Variants in RIMBP2 observed in about 807,000 individuals in gnomAD.
RIMBP2 encodes the protein RIMS binding protein 2.
A neutral mutation model predicts 118.6 loss-of-function variants in RIMBP2; 48 were observed. The ratio of observed to expected loss-of-function variants is 0.40; its 90% CI spans 0.32 to 0.51. RIMBP2 has a LOEUF of 0.51. Ranked by LOEUF, RIMBP2 falls within the 20% of genes least tolerant of loss-of-function variation. RIMBP2 has a pLI of 0.41. For synonymous variants in RIMBP2, 762 were observed against 742.9 expected (o/e 1.03, Z -0.42); for missense variants, 1,551 against 1,768.3 (o/e 0.88, Z 2.20).
intron 1 of RIMBP2, among the ~76,000 whole-genome samples, chr12:130,677,969 T>A (rs1421752474): frequency 1.3e-5 from 2 of 152,172 alleles, no homozygotes; most frequent in Non-Finnish European, 2.9e-5. Context: ...TCTCCCCTCC[T>A]CTCTGCACCC....
intron 2 of RIMBP2, among the ~76,000 whole-genome samples, chr12:130,586,520 G>A (rs899591914): frequency 2.0e-4 from 30 of 151,730 alleles, no homozygotes; most frequent in African/African-American, 6.8e-4. Flanking sequence ...CAGAAATAAC[G>A]CCACATATCT....
chr12:130,584,853 C>T (rs973061503), intron 2 of RIMBP2, among the ~76,000 whole-genome samples: 1 of 69,164 alleles, frequency 1.4e-5, no homozygotes, highest in African/African-American at 3.1e-5. Context: ...ATTAAAATTT[C>T]ATTCTTTGTA....
intron 1 of RIMBP2, among the ~76,000 whole-genome samples, chr12:130,664,399 GCACGCA>G (rs2063791388): frequency 6.2e-5 from 3 of 48,344 alleles, no homozygotes; most frequent in African/African-American, 1.1e-4. Flanking sequence ...GCACACACAC[GCACGCA>G]CGCACGCACA....
At chr12:130,563,964 T>TC (rs377161533) in intron 2 of RIMBP2, among the ~76,000 whole-genome samples, 53,141 of 151,394 alleles carry the variant, frequency 0.35, 10,269 homozygotes, top group East Asian at 0.53. Context: ...GCTGCTACAT[T>TC]TTCCCCTCGC....
At chr12:130,650,905 GA>G (rs1259069857) in intron 1 of RIMBP2, among the ~76,000 whole-genome samples, 2 of 144,296 alleles carry the variant, frequency 1.4e-5, no homozygotes, top group African/African-American at 5.2e-5. Context: ...AAATATCAGA[GA>G]GATTTCAAGC....
At chr12:130,649,041 G>A (rs2063110527) in intron 1 of RIMBP2, among the ~76,000 whole-genome samples, 1 of 145,724 alleles carries the variant, frequency 6.9e-6, no homozygotes, top group South Asian at 2.1e-4. Flanking sequence ...GATCCTCAAT[G>A]ACCTCCTGAC....
chr12:130,605,738 T>C (rs1264668711), intron 2 of RIMBP2, among the ~76,000 whole-genome samples: 1 of 152,166 alleles, frequency 6.6e-6, no homozygotes, highest in African/African-American at 2.4e-5. Flanking sequence ...TTCTTGCCAT[T>C]TCAAGGTATG....
intron 5 of RIMBP2, among the ~76,000 whole-genome samples, chr12:130,478,325 T>G (rs769204088): frequency 2.0e-5 from 3 of 152,200 alleles, no homozygotes; most frequent in African/African-American, 7.2e-5. Flanking sequence ...TAACACATCA[T>G]GCAACAGCCT....
rs572505260 is a variant in RIMBP2, at chr12:130,604,326, G to T, written c.-217+23996C>A. Reference sequence around the variant, plus strand: ...AAAAAAAACCTCACAGTAAGCTAAGGTTAATTGATTATTGAAGAAATAAAA... The same window carrying T: ...AAAAAAAACCTCACAGTAAGCTAAGTTTAATTGATTATTGAAGAAATAAAA... On this transcript the variant is annotated intron_variant, in intron 2 of 22. Transcript: ENST00000690449. Among the ~76,000 whole-genome samples, 28 of 150,222 alleles carry T rather than the reference G, an allele frequency of 1.9e-4. No individual in the cohort carries two copies. The South Asian group carries it at 6.0e-3, about 32-fold the overall frequency.
intron 2 of RIMBP2, among the ~76,000 whole-genome samples, chr12:130,580,343 T>C (rs1393832621): frequency 6.6e-6 from 1 of 152,192 alleles, no homozygotes; most frequent in Admixed American, 6.5e-5. Context: ...CCCCATGCTG[T>C]TCTCATGGTG....
At chr12:130,432,388 T>A in intron 14 of RIMBP2, 1 of 448,120 alleles carries the variant, frequency 2.2e-6, no homozygotes. Context: ...GTTTTGCGTG[T>A]CATGTAATAC....
At chr12:130,409,436 G>A (rs955718237) in intron 19 of RIMBP2, among the ~76,000 whole-genome samples, 6 of 133,356 alleles carry the variant, frequency 4.5e-5, no homozygotes, top group Admixed American at 1.9e-4. Flanking sequence ...TCCGCCTCCC[G>A]GGTTCATGCG....
chr12:130,712,954 T>G (rs939801476), intron 1 of RIMBP2, among the ~76,000 whole-genome samples: 2 of 151,274 alleles, frequency 1.3e-5, no homozygotes, highest in African/African-American at 4.9e-5. Flanking sequence ...ATCTGGGAGA[T>G]TTTCTTCAAG....
In RIMBP2 at chr12:130,424,766, G is replaced by T. The variant is rs536366792; in HGVS notation, c.2505C>A (p.Pro835=). 18 of 1,232,546 alleles carry T rather than the reference G, an allele frequency of 1.5e-5. No individual in the cohort carries two copies. Among genetic ancestry groups the T allele is most frequent in the South Asian group, 4.1e-5 (1 of 24,340 alleles). The allele number at this position is 1,232,546 out of a possible 1,614,324, so 76.4% of individuals were successfully genotyped here. ...QPHRKRLFSI[P]EVAEEDGECC... is the part of the protein sequence containing the mutation. ...ACTCTCCGTCCTCTTCCGCTACTTC[G>T]GGGATACTGAAAAGTCTCTTCCTGT... is the stretch of plus-strand genomic sequence containing the variant. Residue 835 remains proline (P), a synonymous_variant, in exon 16 of 23, where the codon CCC becomes CCA. Coordinates refer to ENST00000690449, the MANE Select transcript of RIMBP2 (RefSeq NM_001393629.1). This position sits in a 1 kb window ranked among gnomAD's most constrained non-coding sequence, Gnocchi z 9.8.
At chr12:130,471,059 G>A (rs549585205) in intron 5 of RIMBP2, among the ~76,000 whole-genome samples, 34 of 152,244 alleles carry the variant, frequency 2.2e-4, no homozygotes, top group African/African-American at 6.3e-4. Context: ...AACATCCGAC[G>A]AACTGCTTTG....
chr12:130,635,965 C>T (rs941075925), intron 1 of RIMBP2, among the ~76,000 whole-genome samples: 7 of 152,156 alleles, frequency 4.6e-5, no homozygotes, highest in Non-Finnish European at 1.0e-4. Context: ...TGTCCCTCCC[C>T]TGCCAAAGCC....
At chr12:130,713,211 T>TAGGAAGATAGGA (rs1950055380) in intron 1 of RIMBP2, among the ~76,000 whole-genome samples, 3 of 98,102 alleles carry the variant, frequency 3.1e-5, no homozygotes, top group Admixed American at 2.1e-4. Flanking sequence ...GGAAGGAAGA[T>TAGGAAGATAGGA]AGGAAGGAAG....
At position 130,622,447 on chromosome 12, in the gene RIMBP2, A is replaced by G. The variant is rs575031109; in HGVS notation, c.-217+5875T>C. The stretch of plus-strand genomic sequence containing the variant: ...TATTTTGTACATAAATTCACTATTC[A>G]CTAATTGTACGTATAATTCTCTACT... On this transcript the variant is annotated intron_variant, in intron 2 of 22. Transcript: ENST00000690449. This position sits in a 1 kb window ranked among gnomAD's most constrained non-coding sequence, Gnocchi z 8.5. 7.9e-5 allele frequency among the ~76,000 whole-genome samples: 12 copies of G among 152,224 alleles called. No homozygotes were observed. Among genetic ancestry groups the G allele is most frequent in the Middle Eastern group, 3.4e-3 (1 of 294 alleles).
chr12:130,692,818 GGGT>G (rs2065374874), intron 1 of RIMBP2, among the ~76,000 whole-genome samples: 1 of 148,886 alleles, frequency 6.7e-6, no homozygotes, highest in African/African-American at 2.5e-5. Context: ...GGGATGGGAT[GGGT>G]GGAATGGGAT....
Sources: gnomAD v4.1 joint callset for allele counts (sites outside exome capture counted in the v4.1 genomes callset) on GRCh38, gnomAD v4.1.1 for gene constraint, Gnocchi (gnomAD v3.1) non-coding constraint, MANE v1.5 for transcripts, NCBI Gene and HGNC (gene_info 2026-07-23, HGNC 2026-07-21) for gene names.